Variants in SMIM35 observed in about 807,000 individuals in gnomAD.
SMIM35 encodes small integral membrane protein 35.
At chr11:118,016,533 A>C (rs778021775) in intron 1 of SMIM35, among the ~76,000 whole-genome samples, 7 of 152,162 alleles carry the variant, frequency 4.6e-5, no homozygotes, top group Non-Finnish European at 7.4e-5. Context: ...ATGAGGTACC[A>C]GGAGTGTGGA....
intron 4 of SMIM35, among the ~76,000 whole-genome samples, chr11:118,013,084 AC>A (rs1193334101): frequency 6.6e-6 from 1 of 151,790 alleles, no homozygotes; most frequent in Non-Finnish European, 1.5e-5. Context: ...GCCCAGCCAG[AC>A]TCCATTCCCA....
chr11:118,010,217 C>T (rs143663160), intron 4 of SMIM35, among the ~76,000 whole-genome samples: 154 of 152,316 alleles, frequency 1.0e-3, no homozygotes, highest in African/African-American at 3.5e-3. Flanking sequence ...ATGATCCTCC[C>T]ATCTGCTCCT....
chr11:118,015,595 C>T (rs1288883218), intron 2 of SMIM35, 98 bp downstream of exon 2: 3 of 398,742 alleles, frequency 7.5e-6, no homozygotes, highest in Middle Eastern at 6.2e-4. Context: ...TTCATCCCAC[C>T]ATGCTGAAGA....
chr11:118,013,814 A>C lies in SMIM35; in HGVS notation c.225T>G (p.Gly75=), dbSNP rs994168283. The C allele has an allele frequency of 7.5e-6, 3 of 398,946 alleles. No homozygotes were observed. Among genetic ancestry groups the C allele is most frequent in the Admixed American group, 4.4e-5 (1 of 22,714 alleles). The allele number at this position is 398,946 out of a possible 1,614,324, so 24.7% of individuals were successfully genotyped here. A position where few individuals can be genotyped will look rare whatever the true frequency, so the allele number is the denominator to read the frequency against. Reference sequence around the variant, plus strand: ...GCCCGTTGGAGAACTTCATGTAGCCACCATCTGTGCTGCTGATGTGACCAC... The same window carrying C: ...GCCCGTTGGAGAACTTCATGTAGCCCCCATCTGTGCTGCTGATGTGACCAC... ...TISGHISSTD[G]GYMKFSNGLV The change falls in exon 4 of 5, where the codon GGT becomes GGG. Residue 75 remains glycine (G), a synonymous_variant. Coordinates refer to ENST00000689828, the MANE Select transcript of SMIM35 (RefSeq NM_001394165.1).
chr11:118,030,721 A>AG (rs2058311849), intron 1 of SMIM35, among the ~76,000 whole-genome samples: 1 of 152,004 alleles, frequency 6.6e-6, no homozygotes, highest in Admixed American at 6.6e-5. Flanking sequence ...AGGAAGGCAT[A>AG]GGGAATGAGG....
chr11:118,028,896 GA>G, intron 1 of SMIM35: 1 of 434,830 alleles, frequency 2.3e-6, no homozygotes, highest in Non-Finnish European at 4.6e-6. Context: ...AGGAGGAGGG[GA>G]AGGAGGACAG....
intron 1 of SMIM35, among the ~76,000 whole-genome samples, chr11:118,041,305 C>A (rs1213219508): frequency 6.6e-6 from 1 of 151,996 alleles, no homozygotes; most frequent in African/African-American, 2.4e-5. Flanking sequence ...CACTACGGAC[C>A]AACTACACCT....
intron 4 of SMIM35, among the ~76,000 whole-genome samples, chr11:118,010,780 G>A (rs1345805971): frequency 2.0e-5 from 3 of 152,186 alleles, no homozygotes; most frequent in South Asian, 2.1e-4. Flanking sequence ...AGGGGAACCC[G>A]GACCAGCCAG....
At position 118,075,263 on chromosome 11, in the gene SMIM35, C is replaced by T. The variant is rs151324309; in HGVS notation, c.7+11488G>A. Among the ~76,000 whole-genome samples, 347 of 152,332 alleles carry T rather than the reference C, an allele frequency of 2.3e-3. 2 individuals carry two copies. Among genetic ancestry groups the T allele is most frequent in the African/African-American group, 7.6e-3 (317 of 41,574 alleles). On this transcript the variant is annotated intron_variant, in intron 1 of 4. Transcript: ENST00000689828. ...TGCCCAAGACTTCCAACTCTCAAGG[C>T]CACCAGCCATCAGTAAGGAAGGGCT...
chr11:118,086,664 C>G (rs930949397), intron 1 of SMIM35, 87 bp downstream of exon 1: 1 of 152,966 alleles, frequency 6.5e-6, no homozygotes, highest in Non-Finnish European at 1.5e-5. Flanking sequence ...CTCTGGGCTG[C>G]TGCATCACCA....
intron 1 of SMIM35, chr11:118,059,467 T>C (rs1010612006): frequency 4.1e-4 from 62 of 152,340 alleles, no homozygotes; most frequent in African/African-American, 1.4e-3. Context: ...GCTCACCTCT[T>C]ACTTGGAACA....
chr11:118,081,920 CAA>C (rs1945167240), intron 1 of SMIM35, among the ~76,000 whole-genome samples: 1 of 152,198 alleles, frequency 6.6e-6, no homozygotes, highest in South Asian at 2.1e-4. Context: ...ACACTCCAGA[CAA>C]AGCCTGACAC....
intron 1 of SMIM35, among the ~76,000 whole-genome samples, chr11:118,048,946 C>CAAAAAAAATAAAAAAAAAAAAAAAAAA (rs1944158599): frequency 1.7e-5 from 1 of 60,490 alleles, no homozygotes; most frequent in Non-Finnish European, 3.0e-5. Context: ...TGAAGAGCTG[C>CAAAAAAAATAAAAAAAAAAAAAAAAAA]AAAAAAAAAA....
At chr11:118,025,940 T>G in intron 1 of SMIM35, 1 of 319,924 alleles carries the variant, frequency 3.1e-6, no homozygotes, top group South Asian at 2.5e-5. Context: ...TACATTTAAG[T>G]CTTTAATTTA....
rs112262989 is a variant in SMIM35, at chr11:118,010,326, G to A, written c.*33+3422C>T. ...GGCCCCCTCCAATGCCACTGGCATG[G>A]GACGAGATCATTAAGACTTCAAGGA... On this transcript the variant is annotated intron_variant, in intron 4 of 4. Coordinates refer to ENST00000689828, the MANE Select transcript of SMIM35 (RefSeq NM_001394165.1). Among the ~76,000 whole-genome samples, 64 of 152,230 alleles carry A rather than the reference G, an allele frequency of 4.2e-4. 1 individual carries two copies. The Middle Eastern group carries it at 0.01, about 24-fold the overall frequency.
intron 1 of SMIM35, among the ~76,000 whole-genome samples, chr11:118,017,546 GA>G (rs1286527066): frequency 6.6e-6 from 1 of 152,118 alleles, no homozygotes; most frequent in Non-Finnish European, 1.5e-5. Context: ...AAATGCTAGA[GA>G]AAAAAATTAA....
chr11:118,053,727 G>C (rs1944261769), intron 1 of SMIM35, among the ~76,000 whole-genome samples: 1 of 152,136 alleles, frequency 6.6e-6, no homozygotes, highest in African/African-American at 2.4e-5. Context: ...TACCATTTAT[G>C]TTATTCTTTA....
chr11:118,047,800 T>C (rs938134856), intron 1 of SMIM35, among the ~76,000 whole-genome samples: 8 of 152,208 alleles, frequency 5.3e-5, no homozygotes, highest in African/African-American at 1.7e-4. Flanking sequence ...CCTAAGCAAA[T>C]GCCTTCTGTG....
chr11:118,059,362 C>CTCCT, intron 1 of SMIM35: 1 of 152,332 alleles, frequency 6.6e-6, no homozygotes, highest in South Asian at 2.1e-4. Context: ...GGAAGTGGTG[C>CTCCT]CCCTCACTCC....
Sources: gnomAD v4.1 joint callset for allele counts (sites outside exome capture counted in the v4.1 genomes callset) on GRCh38, gnomAD v4.1.1 for gene constraint, MANE v1.5 for transcripts, NCBI Gene and HGNC (gene_info 2026-07-23, HGNC 2026-07-21) for gene names.